OTOGL: variants seen among roughly 807,000 people sequenced by gnomAD.
OTOGL encodes otogelin like.
OTOGL carries 285 observed loss-of-function variants against 318.5 expected under a neutral mutation model. That is an observed-to-expected ratio of 0.89 (90% CI 0.81 to 0.99). The LOEUF is 0.99. OTOGL is among the 50% of genes least tolerant of loss of function. OTOGL has a pLI of 0.00. For synonymous variants in OTOGL, 987 were observed against 936.5 expected, an observed-to-expected ratio of 1.05 and a Z score of -0.99; for missense variants, 2,899 against 2,845.6, an observed-to-expected ratio of 1.02 and a Z score of -0.43.
chr12:80,130,063 A>C (rs979347700), intron 1 of OTOGL, among the ~76,000 whole-genome samples: 1 of 152,002 alleles, frequency 6.6e-6, no homozygotes, highest in African/African-American at 2.4e-5. Flanking sequence ...ATATCCTATT[A>C]CCACCCTTGT....
At chr12:80,231,825 G>C (rs2137399863) in intron 8 of OTOGL, among the ~76,000 whole-genome samples, 1 of 148,154 alleles carries the variant, frequency 6.7e-6, no homozygotes, top group South Asian at 2.2e-4. Context: ...TTGAAGTAGA[G>C]ACGGGGTTTC....
At chr12:80,372,831 C>T (rs117865936) in intron 57 of OTOGL, among the ~76,000 whole-genome samples, 5,410 of 151,786 alleles carry the variant, frequency 0.036, 189 homozygotes, top group Admixed American at 0.11. Context: ...TGGGATTACA[C>T]GCATGCGCCA....
rs753400665 is a variant in OTOGL at position 80,238,970 on chromosome 12, G to T, written c.937G>T (p.Ala313Ser). The T allele has an allele frequency of 6.3e-7, 1 of 1,596,184 alleles. No individual in the cohort carries two copies. The highest frequency in any genetic ancestry group is 8.5e-7 in the Non-Finnish European group (1 of 1,178,594). Reference sequence around the variant, plus strand: ...AAATCCGTGCTCCAGTGGAATGCCAGCATTTGAGGTAAATTTGATGTGAGA... The same window carrying T: ...AAATCCGTGCTCCAGTGGAATGCCATCATTTGAGGTAAATTTGATGTGAGA... Reference protein sequence around the residue: ...FPNPCSSGMPAFEAIFFKCQI... With the variant: ...FPNPCSSGMPSFEAIFFKCQI... The change falls in exon 10 of 59, where the codon GCA becomes TCA. Residue 313 changes from alanine to serine, a missense_variant. By Grantham distance (99) the Ala-to-Ser change is moderately conservative. Transcript: ENST00000547103.
intron 52 of OTOGL, among the ~76,000 whole-genome samples, chr12:80,362,847 C>G (rs1890315707): frequency 1.3e-5 from 2 of 150,874 alleles, no homozygotes; most frequent in South Asian, 4.2e-4. Context: ...TAGATGTATG[C>G]TGAAAAATAA....
chr12:80,253,348 T>G, intron 13 of OTOGL, 118 bp from the exon 14 acceptor site: 1 of 873,826 alleles, frequency 1.1e-6, no homozygotes, highest in Non-Finnish European at 1.8e-6. Context: ...AGTAAAGAAA[T>G]TTGTATTTCC....
chr12:80,164,948 T>G (rs1873744094), intron 1 of OTOGL, among the ~76,000 whole-genome samples: 1 of 152,116 alleles, frequency 6.6e-6, no homozygotes, highest in African/African-American at 2.4e-5. Context: ...GGAAATTTCT[T>G]GGTATGAAGA....
At chr12:80,324,534 G>T (rs1018237095) in intron 35 of OTOGL, among the ~76,000 whole-genome samples, 1 of 152,158 alleles carries the variant, frequency 6.6e-6, no homozygotes, top group Admixed American at 6.5e-5. Context: ...TAAGATAGGA[G>T]ACCTGGCTGC....
At chr12:80,222,266 A>G in intron 7 of OTOGL, 21 bp downstream of exon 7, 1 of 1,543,084 alleles carries the variant, frequency 6.5e-7, no homozygotes, top group Admixed American at 1.9e-5. Context: ...GTAGGACATG[A>G]TTAACTTAAA....
intron 1 of OTOGL, among the ~76,000 whole-genome samples, chr12:80,102,231 G>A (rs923342154): frequency 6.6e-6 from 1 of 152,160 alleles, no homozygotes; most frequent in Non-Finnish European, 1.5e-5. Context: ...TACTTGCTAC[G>A]ATCTATCAAT....
rs964541844 is a variant in OTOGL, at chr12:80,116,286, T to G, written c.-20+16681T>G. Among the ~76,000 whole-genome samples, 10 of 152,122 alleles carry G rather than the reference T, an allele frequency of 6.6e-5. No homozygotes were observed. The East Asian group carries it at 1.6e-3, about 24-fold the overall frequency. On this transcript the variant is annotated intron_variant, in intron 1 of 58. Coordinates refer to ENST00000547103, the MANE Select transcript of OTOGL (RefSeq NM_001378609.3). ...CCTCATGGCACAGTCCCTCACAGTT[T>G]CCCTTGGATAGGGGAGAGAGTTCCC... is the stretch of plus-strand genomic sequence containing the variant.
chr12:80,342,127 T>C lies in OTOGL; in HGVS notation c.5230T>C (p.Leu1744=). ...EHDCSQCIDL[L]NRRIFIPCHD... ...TGATTGCAGCCAGTGCATTGATTTA[T>C]TAAATAGAAGAATTTTCATTCCATG... is the stretch of plus-strand genomic sequence containing the variant. The change falls in exon 44 of 59, where the codon TTA becomes CTA. Residue 1744 remains leucine (L), a synonymous_variant. Transcript: ENST00000547103. 6.3e-7 allele frequency: 1 copy of C among 1,593,596 alleles called. No individual in the cohort carries two copies. The highest frequency in any genetic ancestry group is 8.6e-7 in the Non-Finnish European group (1 of 1,168,698).
chr12:80,172,032 C>T (rs1874235898), intron 1 of OTOGL, among the ~76,000 whole-genome samples: 1 of 152,194 alleles, frequency 6.6e-6, no homozygotes, highest in East Asian at 1.9e-4. Context: ...TTAACTGCTT[C>T]TCACAAATTT....
At chr12:80,254,460 T>C in intron 14 of OTOGL, 64 bp from the exon 15 acceptor site, 1 of 1,355,866 alleles carries the variant, frequency 7.4e-7, no homozygotes, top group Non-Finnish European at 1.0e-6. Context: ...AATCAATACA[T>C]TGATGCAAAC....
At chr12:80,285,547 T>C (rs1355546043) in intron 26 of OTOGL, among the ~76,000 whole-genome samples, 3 of 152,146 alleles carry the variant, frequency 2.0e-5, no homozygotes, top group African/African-American at 4.8e-5. Flanking sequence ...TGTCCTCTCT[T>C]ATTTCTTTGA....
At chr12:80,171,232 C>A (rs1012968942) in intron 1 of OTOGL, among the ~76,000 whole-genome samples, 21 of 152,028 alleles carry the variant, frequency 1.4e-4, no homozygotes, top group African/African-American at 5.1e-4. Flanking sequence ...CACCACCATG[C>A]CCATCTAAAT....
In OTOGL at chr12:80,313,413, G is replaced by A. The variant is rs1350109534; in HGVS notation, c.3451-63G>A. ...TTTGAAAACACATAGTTTTTTAGAC[G>A]GTTGACTTTAAATCATAATCAGTAT... On this transcript the variant is annotated intron_variant, in intron 30 of 58. Transcript: ENST00000547103. 24 of 1,455,198 alleles carry A rather than the reference G, an allele frequency of 1.6e-5. No individual in the cohort carries two copies. In the East Asian group the frequency reaches 1.9e-4, roughly 11 times the overall value. 90.1% of individuals were successfully genotyped at this position (1,455,198 alleles called of 1,614,324 possible). A position where few individuals can be genotyped will look rare whatever the true frequency, so the allele number is the denominator to read the frequency against.
intron 1 of OTOGL, among the ~76,000 whole-genome samples, chr12:80,159,727 C>A (rs1325100837): frequency 6.6e-6 from 1 of 152,014 alleles, no homozygotes; most frequent in Non-Finnish European, 1.5e-5. Flanking sequence ...CAACATCATT[C>A]TTCACAGAAC....
At chr12:80,373,741 G>A (rs2138109464) in intron 57 of OTOGL, among the ~76,000 whole-genome samples, 1 of 151,648 alleles carries the variant, frequency 6.6e-6, no homozygotes, top group East Asian at 1.9e-4. Flanking sequence ...TCTGACATTA[G>A]CTTGATTTTC....
At position 80,327,884 on chromosome 12, in the gene OTOGL, G is replaced by A. The variant is rs946245494; in HGVS notation, c.4200-781G>A. Among the ~76,000 whole-genome samples the A allele has an allele frequency of 3.4e-5, 5 of 147,712 alleles. 1 individual carries two copies. The highest frequency in any genetic ancestry group is 4.4e-4 in the South Asian group (2 of 4,588). Reference sequence around the variant, plus strand: ...TGAGGCAGGAGAATGGCATGAATCCGGGAGGCGGAGATTGCAGTGAGCCGA... The same window carrying A: ...TGAGGCAGGAGAATGGCATGAATCCAGGAGGCGGAGATTGCAGTGAGCCGA... On this transcript the variant is annotated intron_variant, in intron 35 of 58. Coordinates refer to ENST00000547103, the MANE Select transcript of OTOGL (RefSeq NM_001378609.3).
Sources: gnomAD v4.1 joint callset for allele counts (sites outside exome capture counted in the v4.1 genomes callset) on GRCh38, gnomAD v4.1.1 for gene constraint, MANE v1.5 for transcripts, NCBI Gene and HGNC (gene_info 2026-07-23, HGNC 2026-07-21) for gene names.